Variants in SLC71A2 observed in about 807,000 individuals in gnomAD.
SLC71A2 encodes hippocampus abundant transcript-like 1.
the SLC71A2 span, chr9:94,458,476 A>AT: frequency 3.1e-6 from 5 of 1,612,888 alleles, no homozygotes; most frequent in African/African-American, 6.7e-5. Flanking sequence ...TAATTTGGTC[A>AT]TAAGTCTAGT....
At chr9:94,407,234 T>C in the SLC71A2 span, among the ~76,000 whole-genome samples, 1 of 151,922 alleles carries the variant, frequency 6.6e-6, no homozygotes, top group Non-Finnish European at 1.5e-5. Flanking sequence ...TTTTCATAGG[T>C]GAACTGTTAT....
At chr9:94,455,909 A>G in the SLC71A2 span, among the ~76,000 whole-genome samples, 1 of 152,216 alleles carries the variant, frequency 6.6e-6, no homozygotes, top group African/African-American at 2.4e-5. Flanking sequence ...TGGTATTTAT[A>G]GCAACAAAAG....
the SLC71A2 span, among the ~76,000 whole-genome samples, chr9:94,443,421 TAA>T: frequency 2.4e-4 from 36 of 152,142 alleles, no homozygotes; most frequent in Admixed American, 2.0e-4. Flanking sequence ...TGAGACCCAT[TAA>T]AGAACAGTAT....
chr9:94,437,970 C>A, the SLC71A2 span, among the ~76,000 whole-genome samples: 5 of 150,860 alleles, frequency 3.3e-5, no homozygotes, highest in African/African-American at 1.2e-4. Flanking sequence ...CTCTTGTTGC[C>A]CAGCCTAGAG....
the SLC71A2 span, chr9:94,444,913 C>A: frequency 6.4e-7 from 1 of 1,565,680 alleles, no homozygotes; most frequent in Non-Finnish European, 8.8e-7. Context: ...ATATGCTTTC[C>A]CCAGAGGTGT....
the SLC71A2 span, among the ~76,000 whole-genome samples, chr9:94,376,554 A>G: frequency 1.3e-5 from 2 of 150,142 alleles, no homozygotes; most frequent in South Asian, 2.1e-4. Flanking sequence ...AGGTTGAAGC[A>G]TTATTAGTAT....
chr9:94,438,367 A>C, the SLC71A2 span: 1 of 1,614,062 alleles, frequency 6.2e-7, no homozygotes, highest in Middle Eastern at 1.7e-4. Context: ...GGATCAGATT[A>C]TAAAACTAAC....
chr9:94,456,704 A>G, the SLC71A2 span, among the ~76,000 whole-genome samples: 1 of 152,212 alleles, frequency 6.6e-6, no homozygotes, highest in South Asian at 2.1e-4. Flanking sequence ...GAGTTACTTA[A>G]TTACTTTATT....
chr9:94,446,806 T>C, the SLC71A2 span: 2 of 1,363,638 alleles, frequency 1.5e-6, no homozygotes, highest in South Asian at 2.3e-5. Flanking sequence ...AAGTGTGTTC[T>C]TTCTGCTTAT....
chr9:94,411,876 C>T, the SLC71A2 span, among the ~76,000 whole-genome samples: 20 of 152,262 alleles, frequency 1.3e-4, no homozygotes, highest in East Asian at 1.9e-3. Flanking sequence ...TAGGTGTGAG[C>T]CACTTCCCCT....
At chr9:94,442,311 A>G in the SLC71A2 span, among the ~76,000 whole-genome samples, 1 of 152,268 alleles carries the variant, frequency 6.6e-6, no homozygotes, top group East Asian at 1.9e-4. Flanking sequence ...ACAAAACACA[A>G]CAATTTTTAA....
chr9:94,440,160 A>T, the SLC71A2 span, among the ~76,000 whole-genome samples: 1 of 147,332 alleles, frequency 6.8e-6, no homozygotes, highest in Admixed American at 6.8e-5. Flanking sequence ...CTTTTCTCTT[A>T]TTTTTTTTTT....
chr9:94,377,344 G>T, the SLC71A2 span, among the ~76,000 whole-genome samples: 1 of 151,236 alleles, frequency 6.6e-6, no homozygotes, highest in Non-Finnish European at 1.5e-5. Context: ...TCACAGGGAA[G>T]ATTGTCCAGC....
the SLC71A2 span, among the ~76,000 whole-genome samples, chr9:94,375,228 C>G: frequency 6.6e-6 from 1 of 151,882 alleles, no homozygotes. Flanking sequence ...TAACAGTTTT[C>G]CTGGCGCAGT....
At chr9:94,422,625 C>G in the SLC71A2 span, among the ~76,000 whole-genome samples, 10 of 152,064 alleles carry the variant, frequency 6.6e-5, no homozygotes, top group Non-Finnish European at 1.5e-4. Context: ...CAGGCAGACT[C>G]CATGTCTTCA....
chr9:94,383,362 C>A, the SLC71A2 span, among the ~76,000 whole-genome samples: 1 of 151,974 alleles, frequency 6.6e-6, no homozygotes, highest in Non-Finnish European at 1.5e-5. Flanking sequence ...AGGGTTTTAC[C>A]ATGTTGGCCA....
the SLC71A2 span, among the ~76,000 whole-genome samples, chr9:94,378,231 C>G: frequency 6.6e-6 from 1 of 151,638 alleles, no homozygotes; most frequent in Non-Finnish European, 1.5e-5. Flanking sequence ...GTTCTTTAGG[C>G]TGTACAGGAA....
chr9:94,382,529 C>T, the SLC71A2 span, among the ~76,000 whole-genome samples: 1 of 151,996 alleles, frequency 6.6e-6, no homozygotes, highest in Admixed American at 6.6e-5. Context: ...TTCATTCTCT[C>T]AGCAGTGTCT....
At chr9:94,391,763 C>T in the SLC71A2 span, among the ~76,000 whole-genome samples, 5 of 149,764 alleles carry the variant, frequency 3.3e-5, no homozygotes, top group Non-Finnish European at 7.4e-5. Flanking sequence ...GTAGTGGGCA[C>T]GTGTAGTCCC....
Sources: allele counts gnomAD v4.1 joint callset (sites outside exome capture counted in the v4.1 genomes callset), GRCh38; gene constraint gnomAD v4.1.1; transcripts MANE v1.5; gene names NCBI Gene and HGNC (gene_info 2026-07-23, HGNC 2026-07-21).